Variants in XIRP2 observed in about 807,000 individuals in gnomAD.
XIRP2 encodes xin actin-binding repeat-containing protein 2.
Under a neutral mutation model 277.0 loss-of-function variants are expected in XIRP2, and 236 were observed. The observed-to-expected ratio is 0.85, with a 90% CI of 0.77 to 0.95. XIRP2 has a LOEUF of 0.95. XIRP2 is among the 40% of genes least tolerant of loss of function. The pLI is 0.00. For synonymous variants in XIRP2, 1,490 were observed against 1,416.5 expected, an observed-to-expected ratio of 1.05 and a Z score of -1.17; for missense variants, 4,640 against 4,157.5, an observed-to-expected ratio of 1.12 and a Z score of -3.19.
intron 2 of XIRP2, among the ~76,000 whole-genome samples, chr2:166,981,345 A>G (rs1449872575): frequency 6.6e-6 from 1 of 150,738 alleles, no homozygotes; most frequent in Non-Finnish European, 1.5e-5. Context: ...ATTTCAATCT[A>G]CCTGTCTTCA....
chr2:167,036,229 C>T (rs1688503034), intron 2 of XIRP2, among the ~76,000 whole-genome samples: 1 of 152,086 alleles, frequency 6.6e-6, no homozygotes, highest in Non-Finnish European at 1.5e-5. Context: ...TCCTGCAGAC[C>T]CCAGAATGTT....
intron 3 of XIRP2, among the ~76,000 whole-genome samples, chr2:167,172,206 C>T (rs1692716495): frequency 6.6e-6 from 1 of 152,098 alleles, no homozygotes; most frequent in South Asian, 2.1e-4. Context: ...AGCCGCAAAA[C>T]CAACAAGTTT....
chr2:167,243,334 AGAG>A lies in XIRP2; in HGVS notation c.1946_1948del (p.Gly649del). 1.9e-6 allele frequency: 3 copies of A among 1,614,132 alleles called. No individual in the cohort carries two copies. Among genetic ancestry groups the A allele is most frequent in the East Asian group, 2.2e-5 (1 of 44,862 alleles). On this transcript the variant is annotated inframe_deletion, in exon 9 of 11. Coordinates refer to ENST00000409195, the MANE Select transcript of XIRP2 (RefSeq NM_152381.6). ...TGCAGAGAAAATTCCTGAGCTAGCC[AGAG>A]GAGATGTCTGCACAGCTCGGTGGAT...
chr2:167,167,739 T>C (rs973960236), intron 3 of XIRP2, among the ~76,000 whole-genome samples: 1 of 152,140 alleles, frequency 6.6e-6, no homozygotes, highest in Non-Finnish European at 1.5e-5. Context: ...TCAAATACAT[T>C]ATTGCTATTA....
chr2:166,995,244 A>G (rs941530572), intron 2 of XIRP2, among the ~76,000 whole-genome samples: 1 of 152,194 alleles, frequency 6.6e-6, no homozygotes, highest in Admixed American at 6.5e-5. Flanking sequence ...TAGTGTATGT[A>G]CATTGTAGAA....
intron 2 of XIRP2, among the ~76,000 whole-genome samples, chr2:167,125,097 C>A: frequency 6.6e-6 from 1 of 152,152 alleles, no homozygotes; most frequent in Non-Finnish European, 1.5e-5. Flanking sequence ...CTTGACCCTT[C>A]TAAAGTGATG....
Position 167,247,428 on chromosome 2 carries a change from A to G in XIRP2, c.6036A>G (p.Glu2012=), listed in dbSNP as rs758767302. ...CTTGCCATGGCAATTTAGTAGAAGAAAGAACTGAGGTTAATCTTCCAAAAG... is the reference window on the plus strand; with the variant it reads ...CTTGCCATGGCAATTTAGTAGAAGAGAGAACTGAGGTTAATCTTCCAAAAG... ...GKSCHGNLVE[E]RTEVNLPKAP... is the part of the protein sequence containing the mutation. The change falls in exon 9 of 11, where the codon GAA becomes GAG. Residue 2012 remains glutamate (E), a synonymous_variant. Coordinates refer to ENST00000409195, the MANE Select transcript of XIRP2 (RefSeq NM_152381.6). The G allele has an allele frequency of 3.2e-5, 52 of 1,613,562 alleles. 1 individual carries two copies. In the South Asian group the frequency reaches 5.6e-4, roughly 17 times the overall value.
At position 167,250,749 on chromosome 2, in the gene XIRP2, G is replaced by A. The variant is rs558320173; in HGVS notation, c.9357G>A (p.Pro3119=). ...CTCCCTCTTTAAAAACACGCCCACC[G>A]TCACCAACTTTTATCACAATAGAAT... ...IPPPSLKTRP[P]SPTFITIEST... The change falls in exon 9 of 11, where the codon CCG becomes CCA. Residue 3119 remains proline (P), a synonymous_variant. Coordinates refer to ENST00000409195, the MANE Select transcript of XIRP2 (RefSeq NM_152381.6). The A allele has an allele frequency of 8.1e-6, 13 of 1,613,222 alleles. No individual in the cohort carries two copies. The highest frequency in any genetic ancestry group is 6.7e-5 in the Admixed American group (4 of 59,910).
chr2:167,087,202 G>A (rs1472685098), intron 2 of XIRP2, among the ~76,000 whole-genome samples: 8 of 152,128 alleles, frequency 5.3e-5, no homozygotes, highest in African/African-American at 1.2e-4. Flanking sequence ...ATACCCTGCC[G>A]TGTGAGGTGT....
chr2:167,250,006 A>T lies in XIRP2; in HGVS notation c.8614A>T (p.Thr2872Ser). 1 of 1,613,664 alleles carries T rather than the reference A, an allele frequency of 6.2e-7. No homozygotes were observed. Among genetic ancestry groups the T allele is most frequent in the Non-Finnish European group, 8.5e-7 (1 of 1,179,704 alleles). ...LDSQTQNFQQTQIQTAESKAE... is the reference protein window; with the variant it reads ...LDSQTQNFQQSQIQTAESKAE... Reference sequence around the variant, plus strand: ...TTCACAGACTCAGAATTTTCAGCAAACACAAATACAGACCGCTGAAAGTAA... The same window carrying T: ...TTCACAGACTCAGAATTTTCAGCAATCACAAATACAGACCGCTGAAAGTAA... Residue 2872 changes from threonine (T) to serine (S), a missense_variant, in exon 9 of 11, where the codon ACA (threonine) becomes TCA (serine). Thr to Ser is a moderately conservative substitution (Grantham distance 58). Coordinates refer to ENST00000409195, the MANE Select transcript of XIRP2 (RefSeq NM_152381.6).
intron 2 of XIRP2, among the ~76,000 whole-genome samples, chr2:166,911,056 G>A (rs1320302762): frequency 6.6e-6 from 1 of 152,198 alleles, no homozygotes; most frequent in African/African-American, 2.4e-5. Flanking sequence ...TTTGGAATAA[G>A]TGTGATGTGG....
At chr2:167,047,860 C>G (rs962105998) in intron 2 of XIRP2, among the ~76,000 whole-genome samples, 2 of 151,940 alleles carry the variant, frequency 1.3e-5, no homozygotes, top group Non-Finnish European at 2.9e-5. Context: ...TATGTATAAA[C>G]TTAAAAATTC....
intron 3 of XIRP2, among the ~76,000 whole-genome samples, chr2:167,160,245 A>T (rs1692325486): frequency 6.6e-6 from 1 of 152,202 alleles, no homozygotes; most frequent in South Asian, 2.1e-4. Context: ...AAATAGAGAA[A>T]AGCTTAAAGA....
chr2:167,248,503 A>T lies in XIRP2; in HGVS notation c.7111A>T (p.Thr2371Ser). The change falls in exon 9 of 11, where the codon ACT (threonine) becomes TCT (serine). Residue 2371 changes from threonine (T) to serine (S), a missense_variant. Transcript: ENST00000409195. ...GTTTCTGCCGCCTCCTCCTCCTCCAACTCCATCTCAAAAGCCAGCACATCT... is the reference window on the plus strand; with the variant it reads ...GTTTCTGCCGCCTCCTCCTCCTCCATCTCCATCTCAAAAGCCAGCACATCT... ...SMFLPPPPPP[T>S]PSQKPAHLLS... 1 of 1,613,094 alleles carries T rather than the reference A, an allele frequency of 6.2e-7. No homozygotes were observed. Among genetic ancestry groups the T allele is most frequent in the Non-Finnish European group, 8.5e-7 (1 of 1,179,642 alleles).
At chr2:167,218,729 G>A (rs1209619835) in intron 5 of XIRP2, among the ~76,000 whole-genome samples, 1 of 152,020 alleles carries the variant, frequency 6.6e-6, no homozygotes, top group Non-Finnish European at 1.5e-5. Context: ...GGAGTTTTCT[G>A]TTTTCTTTAA....
chr2:167,081,268 C>A (rs1385756264), intron 2 of XIRP2, among the ~76,000 whole-genome samples: 2 of 152,032 alleles, frequency 1.3e-5, no homozygotes, highest in African/African-American at 4.8e-5. Flanking sequence ...GATTTTGAGA[C>A]CAGCCTGGGC....
chr2:166,947,154 A>C (rs1044613064), intron 2 of XIRP2, among the ~76,000 whole-genome samples: 3 of 152,184 alleles, frequency 2.0e-5, no homozygotes, highest in African/African-American at 7.2e-5. Context: ...GCAATACTGC[A>C]TTATGTTTTC....
rs770209497 is a variant in XIRP2, at chr2:167,243,260, C to T, written c.1868C>T (p.Thr623Ile). 31 of 1,613,590 alleles carry T rather than the reference C, an allele frequency of 1.9e-5. No individual in the cohort carries two copies. The highest frequency in any genetic ancestry group is 2.6e-5 in the Non-Finnish European group (31 of 1,179,810). The change falls in exon 9 of 11, where the codon ACC (threonine) becomes ATC (isoleucine). Residue 623 changes from threonine to isoleucine, a missense_variant. By Grantham distance (89) the Thr-to-Ile change is moderately conservative (BLOSUM62 -1). Coordinates refer to ENST00000409195, the MANE Select transcript of XIRP2 (RefSeq NM_152381.6). The stretch of plus-strand genomic sequence containing the variant: ...AAATATACCACATGGATGTTTGAAA[C>T]CCAACCCATCGACACACTTGGGGCT... The part of the protein sequence containing the change: ...DVKYTTWMFE[T>I]QPIDTLGAYS...
chr2:167,231,831 T>G (rs980263355), intron 5 of XIRP2, among the ~76,000 whole-genome samples: 1 of 151,944 alleles, frequency 6.6e-6, no homozygotes, highest in Non-Finnish European at 1.5e-5. Flanking sequence ...TTCAAGAAAT[T>G]TATAAGTATT....
Sources: allele counts gnomAD v4.1 joint callset (sites outside exome capture counted in the v4.1 genomes callset), GRCh38; gene constraint gnomAD v4.1.1; transcripts MANE v1.5; gene names NCBI Gene and HGNC (gene_info 2026-07-23, HGNC 2026-07-21).